FSTL5: variants seen among roughly 807,000 people sequenced by gnomAD.
FSTL5 encodes the protein follistatin like 5.
In FSTL5, 62 loss-of-function variants were observed where a neutral mutation model predicts 89.1. That is an observed-to-expected ratio of 0.70 (90% CI 0.57 to 0.86). The LOEUF is 0.86. Among genes scored for constraint, FSTL5 ranks in the 40% least tolerant of loss-of-function variants. The pLI, the probability that FSTL5 is intolerant of heterozygous loss-of-function variation, is 0.00. For missense variants in FSTL5, 1,057 were observed against 1,001.6 expected, an observed-to-expected ratio of 1.06 and a Z score of -0.75; for synonymous variants, 383 against 346.2, an observed-to-expected ratio of 1.11 and a Z score of -1.18.
intron 6 of FSTL5, among the ~76,000 whole-genome samples, chr4:161,701,634 T>G (rs910510863): frequency 2.6e-5 from 4 of 152,086 alleles, no homozygotes; most frequent in African/African-American, 9.6e-5. Context: ...TCTGTATTTA[T>G]GTAGTGACCA....
At chr4:161,861,714 C>G (rs141069647) in intron 4 of FSTL5, among the ~76,000 whole-genome samples, 232 of 152,258 alleles carry the variant, frequency 1.5e-3, no homozygotes, top group African/African-American at 5.5e-3. Context: ...CAGGATTCAA[C>G]TTATTTCAAG....
At chr4:161,600,746 A>C (rs993130392) in intron 7 of FSTL5, among the ~76,000 whole-genome samples, 1 of 152,168 alleles carries the variant, frequency 6.6e-6, no homozygotes, top group African/African-American at 2.4e-5. Flanking sequence ...GGCCCAAAAA[A>C]CCTAAAATCC....
chr4:161,481,509 C>T (rs1003710254), intron 12 of FSTL5, among the ~76,000 whole-genome samples: 6 of 152,062 alleles, frequency 3.9e-5, no homozygotes, highest in Non-Finnish European at 4.4e-5. Context: ...GGTTCTTTAA[C>T]AGAATAAATG....
chr4:161,895,735 T>C (rs1399908783), intron 4 of FSTL5, among the ~76,000 whole-genome samples: 2 of 152,178 alleles, frequency 1.3e-5, no homozygotes, highest in Non-Finnish European at 2.9e-5. Flanking sequence ...ACATGTGGCA[T>C]CTCATCCTCA....
At position 161,490,038 on chromosome 4, in the gene FSTL5, CAG is replaced by C. The variant is rs544471643; in HGVS notation, c.1459-8871_1459-8870del. 1.3e-3 allele frequency among the ~76,000 whole-genome samples: 193 copies of C among 151,994 alleles called. 1 individual carries two copies. The highest frequency in any genetic ancestry group is 4.4e-3 in the African/African-American group (183 of 41,496). On this transcript the variant is annotated intron_variant, in intron 12 of 15. Transcript: ENST00000306100. ...TTGCTTTATTCATATAAGTGGAAAACAGAGACATGAATTCTGTTGAAATAAAA... is the reference window on the plus strand; with the variant it reads ...TTGCTTTATTCATATAAGTGGAAAACAGACATGAATTCTGTTGAAATAAAA...
chr4:161,449,874 T>G (rs961003946), intron 15 of FSTL5, among the ~76,000 whole-genome samples: 3 of 152,192 alleles, frequency 2.0e-5, no homozygotes, highest in Non-Finnish European at 2.9e-5. Context: ...GGTGAAGATA[T>G]CTTGCTGTTA....
chr4:161,772,686 ACAT>A (rs1741250215), intron 5 of FSTL5, among the ~76,000 whole-genome samples: 1 of 152,182 alleles, frequency 6.6e-6, no homozygotes, highest in African/African-American at 2.4e-5. Flanking sequence ...CTACTGAAAA[ACAT>A]CATAGAAGAC....
At position 161,386,373 on chromosome 4, in the gene FSTL5, T is replaced by C. The variant is rs769856992; in HGVS notation, c.1918A>G (p.Ile640Val). ...DLETMSYIKT[I>V]NLKDYKCVPQ... ...ACGCACTTATAGTCCTTCAAGTTAATTGTCTTGATGTATGACATGGTTTCA... is the reference window on the plus strand; with the variant it reads ...ACGCACTTATAGTCCTTCAAGTTAACTGTCTTGATGTATGACATGGTTTCA... The change falls in exon 16 of 16, where the codon ATT becomes GTT. Residue 640 changes from isoleucine to valine, a missense_variant. Around this residue, in one of 3 missense-constraint regions of FSTL5, gnomAD observed 980 missense variants for 903.2 expected, o/e 1.08. Coordinates refer to ENST00000306100, the MANE Select transcript of FSTL5 (RefSeq NM_020116.5). 2 of 1,613,796 alleles carry C rather than the reference T, an allele frequency of 1.2e-6. No individual in the cohort carries two copies. Among genetic ancestry groups the C allele is most frequent in the East Asian group, 4.5e-5 (2 of 44,850 alleles).
chr4:161,597,272 A>G (rs1334519249), intron 7 of FSTL5, among the ~76,000 whole-genome samples: 2 of 152,044 alleles, frequency 1.3e-5, no homozygotes, highest in African/African-American at 4.8e-5. Flanking sequence ...TCCCAGCACC[A>G]TTTGTTAAAC....
intron 7 of FSTL5, among the ~76,000 whole-genome samples, chr4:161,651,864 G>A (rs1736354304): frequency 6.6e-6 from 1 of 152,048 alleles, no homozygotes; most frequent in Non-Finnish European, 1.5e-5. Flanking sequence ...TATTCATTTG[G>A]TGCAAAATAT....
intron 1 of FSTL5, among the ~76,000 whole-genome samples, chr4:162,154,914 G>A (rs1337125917): frequency 6.6e-6 from 1 of 151,956 alleles, no homozygotes; most frequent in Non-Finnish European, 1.5e-5. Flanking sequence ...AGCCACTCCA[G>A]ACTGTCTACT....
At chr4:161,838,449 A>AT (rs774410956) in intron 4 of FSTL5, among the ~76,000 whole-genome samples, 3 of 151,532 alleles carry the variant, frequency 2.0e-5, no homozygotes, top group African/African-American at 4.8e-5. Context: ...CGCCCGGCTA[A>AT]TTTTTTTTGT....
chr4:161,415,940 C>T (rs893711889), intron 15 of FSTL5, among the ~76,000 whole-genome samples: 32 of 151,402 alleles, frequency 2.1e-4, no homozygotes, highest in African/African-American at 7.8e-4. Flanking sequence ...CAGATCATTT[C>T]TTTATTCACA....
At chr4:161,741,924 A>C (rs953047530) in intron 6 of FSTL5, among the ~76,000 whole-genome samples, 5 of 152,058 alleles carry the variant, frequency 3.3e-5, no homozygotes, top group African/African-American at 9.7e-5. Flanking sequence ...TAAGTAGGCA[A>C]GTCCATTAAA....
intron 2 of FSTL5, among the ~76,000 whole-genome samples, chr4:162,042,593 A>G (rs1305656147): frequency 6.6e-6 from 1 of 152,124 alleles, no homozygotes. Context: ...CATATTAAGC[A>G]TAACAGATAA....
Position 161,901,705 on chromosome 4 carries a change from G to A in FSTL5, c.409+18699C>T, listed in dbSNP as rs546416006. On this transcript the variant is annotated intron_variant, in intron 4 of 15. Coordinates refer to ENST00000306100, the MANE Select transcript of FSTL5 (RefSeq NM_020116.5). Reference sequence around the variant, plus strand: ...TCCTAGCACTTTGGGAAGCCGAGGTGGGGCGGATTGCCTGAGCTCAGGAGT... The same window carrying A: ...TCCTAGCACTTTGGGAAGCCGAGGTAGGGCGGATTGCCTGAGCTCAGGAGT... Among the ~76,000 whole-genome samples, 145 of 152,198 alleles carry A rather than the reference G, an allele frequency of 9.5e-4. 1 individual carries two copies. Among genetic ancestry groups the A allele is most frequent in the African/African-American group, 3.0e-3 (124 of 41,528 alleles).
intron 4 of FSTL5, among the ~76,000 whole-genome samples, chr4:161,793,972 C>T (rs10003797): frequency 0.03 from 4,577 of 152,046 alleles, 79 homozygotes; most frequent in African/African-American, 0.04. Context: ...ATAAGAAAGG[C>T]CTATCAGTTA....
intron 5 of FSTL5, among the ~76,000 whole-genome samples, chr4:161,760,321 G>C (rs1740743629): frequency 6.6e-6 from 1 of 152,142 alleles, no homozygotes; most frequent in South Asian, 2.1e-4. Context: ...CTGCATAGCT[G>C]TGACCATGGT....
intron 7 of FSTL5, among the ~76,000 whole-genome samples, chr4:161,592,415 TCCCTCC>T (rs1332026537): frequency 1.3e-5 from 2 of 152,018 alleles, no homozygotes; most frequent in African/African-American, 4.8e-5. Flanking sequence ...CCTAATGCTA[TCCCTCC>T]CCTAGCCCCC....
Sources: gnomAD v4.1 joint callset for allele counts (sites outside exome capture counted in the v4.1 genomes callset) on GRCh38, gnomAD v4.1.1 for gene constraint, gnomAD v4.1.1 regional missense constraint, MANE v1.5 for transcripts, NCBI Gene and HGNC (gene_info 2026-07-23, HGNC 2026-07-21) for gene names.